The following SMOC1 variants were observed in gnomAD, a reference collection of about 807,000 sequenced individuals.
SMOC1 encodes the protein SPARC related modular calcium binding 1, also known as SPARC-related modular calcium-binding protein 1.
A neutral mutation model predicts 56.3 loss-of-function variants in SMOC1; 22 were observed. The observed-to-expected ratio is 0.39, with a 90% CI of 0.28 to 0.56. The LOEUF (loss-of-function observed/expected upper bound fraction) is 0.56, where lower values mean the gene tolerates loss of function less well. Among genes scored for constraint, SMOC1 ranks in the 20% least tolerant of loss-of-function variants. The pLI is 0.61. For synonymous variants in SMOC1, 193 were observed against 215.0 expected, an observed-to-expected ratio of 0.90 and a Z score of 0.89; for missense variants, 509 against 565.4, an observed-to-expected ratio of 0.90 and a Z score of 1.01.
At position 69,919,918 on chromosome 14, in the gene SMOC1, C is replaced by T. The variant is rs541533971; in HGVS notation, c.100-32220C>T. On this transcript the variant is annotated intron_variant, in intron 1 of 11. Transcript: ENST00000361956. Reference sequence around the variant, plus strand: ...ATCCTATGAACACAAATACCCCCCCCCCCCTTTCTCCCCTGGAGTAGGGAT... The same window carrying T: ...ATCCTATGAACACAAATACCCCCCCTCCCCTTTCTCCCCTGGAGTAGGGAT... Among the ~76,000 whole-genome samples the T allele has an allele frequency of 1.2e-3, 178 of 149,870 alleles. 1 individual carries two copies. The highest frequency in any genetic ancestry group is 2.1e-3 in the Non-Finnish European group (143 of 67,142).
At chr14:69,905,590 A>G (rs1884386228) in intron 1 of SMOC1, among the ~76,000 whole-genome samples, 1 of 152,192 alleles carries the variant, frequency 6.6e-6, no homozygotes, top group South Asian at 2.1e-4. Flanking sequence ...CTGGGAGACC[A>G]CTTATGAATT....
Position 70,013,382 on chromosome 14 carries a change from T to C in SMOC1, c.941-4T>C. On this transcript the variant is annotated splice_region_variant and splice_polypyrimidine_tract_variant and intron_variant, in intron 9 of 11. Transcript: ENST00000361956. ...CTACCTTCAAATCTCATTTTATCTT[T>C]TAGGCTGTCCAGAAGGGAAGAAAAT... The C allele has an allele frequency of 6.2e-7, 1 of 1,613,098 alleles. No individual in the cohort carries two copies. Among genetic ancestry groups the C allele is most frequent in the Non-Finnish European group, 8.5e-7 (1 of 1,179,036 alleles).
At chr14:69,975,590 T>G in intron 3 of SMOC1, 125 bp from the exon 4 acceptor site, 4 of 749,242 alleles carry the variant, frequency 5.3e-6, no homozygotes, top group Non-Finnish European at 9.6e-6. Flanking sequence ...TGGAGACAGA[T>G]GTGGGGATGA....
At chr14:69,883,889 ATTTTTTT>A (rs34300667) in intron 1 of SMOC1, among the ~76,000 whole-genome samples, 5 of 66,642 alleles carry the variant, frequency 7.5e-5, no homozygotes, top group African/African-American at 2.1e-4. Flanking sequence ...GATGTTGAGC[ATTTTTTT>A]TTTTTTTTTT....
At position 69,961,272 on chromosome 14, in the gene SMOC1, G is replaced by GTATATA. The variant is rs35703501; in HGVS notation, c.378+7782_378+7787dup. ...TTATTGTCAAGCAATATTCTATTGT[G>GTATATA]TATATATATATATATATATATATAT... On this transcript the variant is annotated intron_variant, in intron 3 of 11. Transcript: ENST00000361956. 9.8e-3 allele frequency among the ~76,000 whole-genome samples: 735 copies of GTATATA among 74,728 alleles called. 25 individuals carry two copies. Among genetic ancestry groups the GTATATA allele is most frequent in the Non-Finnish European group, 0.013 (527 of 40,628 alleles). 49.0% of individuals were successfully genotyped at this position (74,728 alleles called of 152,430 possible). A position where few individuals can be genotyped will look rare whatever the true frequency, so the allele number is the denominator to read the frequency against.
intron 3 of SMOC1, among the ~76,000 whole-genome samples, chr14:69,973,011 G>C (rs1396694458): frequency 2.0e-5 from 3 of 152,240 alleles, no homozygotes; most frequent in Non-Finnish European, 4.4e-5. Context: ...GAGTGAGTCA[G>C]CGTGGCCATT....
intron 11 of SMOC1, among the ~76,000 whole-genome samples, chr14:70,028,392 C>G (rs546747587): frequency 1.3e-5 from 2 of 152,280 alleles, no homozygotes; most frequent in African/African-American, 2.4e-5. Flanking sequence ...AGGCAGCTAG[C>G]TAGGTCGGAA....
intron 1 of SMOC1, 52 bp downstream of exon 1, chr14:69,879,829 TC>T: frequency 3.5e-6 from 5 of 1,444,332 alleles, no homozygotes; most frequent in East Asian, 2.7e-5. Context: ...GGAGGTTGCT[TC>T]CCCCCTCATC....
intron 1 of SMOC1, among the ~76,000 whole-genome samples, chr14:69,949,727 C>G (rs1010970210): frequency 6.6e-6 from 1 of 152,120 alleles, no homozygotes; most frequent in Admixed American, 6.5e-5. Context: ...GGAAGCAGGC[C>G]CGTGTGCCCC....
chr14:69,931,401 C>T (rs576749945), intron 1 of SMOC1, among the ~76,000 whole-genome samples: 1 of 152,376 alleles, frequency 6.6e-6, no homozygotes, highest in South Asian at 2.1e-4. Context: ...GTCCTCTGGA[C>T]AATTCCATGA....
Position 70,012,487 on chromosome 14 carries a change from C to G in SMOC1, c.941-899C>G, listed in dbSNP as rs546775793. ...TGGGTACTCTGAGGGAAAAGCGGAA[C>G]ATGCTGTGAGAATGGCAGGGAGAAC... is the stretch of plus-strand genomic sequence containing the variant. On this transcript the variant is annotated intron_variant, in intron 9 of 11. Coordinates refer to ENST00000361956, the MANE Select transcript of SMOC1 (RefSeq NM_001034852.3). 6.8e-4 allele frequency among the ~76,000 whole-genome samples: 104 copies of G among 152,348 alleles called. No individual in the cohort carries two copies. In the Middle Eastern group the frequency reaches 0.01, roughly 15 times the overall value.
rs1188606706 is a variant in SMOC1 at position 69,967,762 on chromosome 14, A to C, written c.379-7953A>C. On this transcript the variant is annotated intron_variant, in intron 3 of 11. Transcript: ENST00000361956. ...CAGAGAGGTTAAGTGACTTTGCTGA[A>C]GTCACACAGCTAGTAGTGGAGATGG... Among the ~76,000 whole-genome samples, 46 of 152,234 alleles carry C rather than the reference A, an allele frequency of 3.0e-4. 1 individual carries two copies. The highest frequency in any genetic ancestry group is 3.0e-3 in the Admixed American group (46 of 15,284).
At position 69,979,871 on chromosome 14, in the gene SMOC1, C is replaced by T. The variant is rs1306696137; in HGVS notation, c.526+1906C>T. Among the ~76,000 whole-genome samples the T allele has an allele frequency of 3.3e-5, 5 of 152,302 alleles. No individual in the cohort carries two copies. The East Asian group carries it at 9.7e-4, about 29-fold the overall frequency. On this transcript the variant is annotated intron_variant, in intron 5 of 11. Coordinates refer to ENST00000361956, the MANE Select transcript of SMOC1 (RefSeq NM_001034852.3). ...TCATGCAAAACTGACCACCCAGATT[C>T]CCCTCCTCCAAAGGGAGCTGATTGT... is the stretch of plus-strand genomic sequence containing the variant.
rs774246758 is a variant in SMOC1 at position 69,992,514 on chromosome 14, A to G, written c.583+41A>G. 4 of 1,466,954 alleles carry G rather than the reference A, an allele frequency of 2.7e-6. No individual in the cohort carries two copies. In the South Asian group the frequency reaches 4.5e-5, roughly 17 times the overall value. The allele number at this position is 1,466,954 out of a possible 1,614,324, so 90.9% of individuals were successfully genotyped here. A position where few individuals can be genotyped will look rare whatever the true frequency, so the allele number is the denominator to read the frequency against. ...ACTTCTGATGTTCATTCTCCCACTCATTTTCAGGTTTGGGAAAAGTCTTAA... is the reference window on the plus strand; with the variant it reads ...ACTTCTGATGTTCATTCTCCCACTCGTTTTCAGGTTTGGGAAAAGTCTTAA... On this transcript the variant is annotated intron_variant, in intron 6 of 11. Transcript: ENST00000361956.
At chr14:69,946,681 A>G (rs1882795661) in intron 1 of SMOC1, among the ~76,000 whole-genome samples, 1 of 152,184 alleles carries the variant, frequency 6.6e-6, no homozygotes, top group Non-Finnish European at 1.5e-5. Flanking sequence ...AAACTCCTGG[A>G]ATATCCTGGT....
chr14:69,962,287 G>C (rs1402158934), intron 3 of SMOC1, among the ~76,000 whole-genome samples: 1 of 151,590 alleles, frequency 6.6e-6, no homozygotes, highest in Non-Finnish European at 1.5e-5. Context: ...CTCAGCCTCT[G>C]GAATTGCTGG....
At chr14:69,909,652 T>C (rs1295831) in intron 1 of SMOC1, among the ~76,000 whole-genome samples, 107,022 of 152,204 alleles carry the variant, frequency 0.7, 40,941 homozygotes, top group East Asian at 0.97. Context: ...CTATTTTCCA[T>C]TGGAGAACAA....
intron 1 of SMOC1, among the ~76,000 whole-genome samples, chr14:69,937,572 G>A (rs924591801): frequency 6.6e-5 from 10 of 152,154 alleles, no homozygotes; most frequent in East Asian, 1.9e-4. Flanking sequence ...ACAGTTGTGC[G>A]AAGTCAGACG....
intron 1 of SMOC1, among the ~76,000 whole-genome samples, chr14:69,897,053 G>A (rs1448820391): frequency 3.9e-5 from 6 of 152,208 alleles, no homozygotes; most frequent in Non-Finnish European, 8.8e-5. Flanking sequence ...GGGATCAGGG[G>A]TCAGGCTAGT....
Sources: allele counts gnomAD v4.1 joint callset (sites outside exome capture counted in the v4.1 genomes callset), GRCh38; gene constraint gnomAD v4.1.1; transcripts MANE v1.5; gene names NCBI Gene and HGNC (gene_info 2026-07-23, HGNC 2026-07-21).